The following SLC13A2 variants were observed in gnomAD, a reference collection of about 807,000 sequenced individuals.
The protein encoded by SLC13A2 is Na(+)-coupled citrate transporter.
SLC13A2 carries 40 observed loss-of-function variants against 58.5 expected under a neutral mutation model. That is an observed-to-expected ratio of 0.68 (90% CI 0.53 to 0.89). The LOEUF is 0.89. Ranked by LOEUF, SLC13A2 falls within the 40% of genes least tolerant of loss-of-function variation. The pLI is 0.00. For synonymous variants in SLC13A2, 341 were observed against 331.6 expected, an observed-to-expected ratio of 1.03 and a Z score of -0.31; for missense variants, 694 against 772.6, an observed-to-expected ratio of 0.90 and a Z score of 1.21.
At chr17:28,485,985 C>G (rs916843108) in intron 1 of SLC13A2, among the ~76,000 whole-genome samples, 1 of 151,816 alleles carries the variant, frequency 6.6e-6, no homozygotes, top group Non-Finnish European at 1.5e-5. Context: ...AAAGCAAAAC[C>G]CTGTCTTTAA....
intron 1 of SLC13A2, among the ~76,000 whole-genome samples, chr17:28,475,295 G>C (rs527831678): frequency 6.6e-6 from 1 of 152,114 alleles, no homozygotes; most frequent in African/African-American, 2.4e-5. Flanking sequence ...TCTGTGCACC[G>C]TATCTGGCCC....
chr17:28,490,471 T>C lies in SLC13A2; in HGVS notation c.249T>C (p.Leu83=), dbSNP rs1555603012. ...CCTGCCAGGTTGCCGTCGAGTATCT[T>C]AAGGACTCCAACCTCCTGTTCTTCG... is the stretch of plus-strand genomic sequence containing the variant. ...VDASEVAVEY[L]KDSNLLFFGG... is the part of the protein sequence containing the mutation. The change falls in exon 3 of 12, where the codon CTT becomes CTC. Residue 83 remains leucine (L), a synonymous_variant. Transcript: ENST00000314669. 2 of 1,614,000 alleles carry C rather than the reference T, an allele frequency of 1.2e-6. No homozygotes were observed. Among genetic ancestry groups the C allele is most frequent in the Admixed American group, 1.7e-5 (1 of 60,016 alleles).
At chr17:28,477,905 A>C (rs1472518536) in intron 1 of SLC13A2, among the ~76,000 whole-genome samples, 2 of 151,880 alleles carry the variant, frequency 1.3e-5, no homozygotes, top group East Asian at 3.9e-4. Flanking sequence ...TAAAAATACA[A>C]AAATTAGCCA....
chr17:28,484,567 T>G (rs2068843318), intron 1 of SLC13A2, among the ~76,000 whole-genome samples: 1 of 152,134 alleles, frequency 6.6e-6, no homozygotes, highest in South Asian at 2.1e-4. Flanking sequence ...TGAGCTGTTT[T>G]GAGATGAGTG....
Position 28,489,347 on chromosome 17 carries a change from G to C in SLC13A2, c.231+5G>C. ...GGCATCGTGGATGCCTCTGAGGTGA[G>C]CCCCATCCATAGGAGAAAGCGTTCT... On this transcript the variant is annotated splice_donor_5th_base_variant and intron_variant, in intron 2 of 11. Coordinates refer to ENST00000314669, the MANE Select transcript of SLC13A2 (RefSeq NM_003984.4). 1 of 1,611,722 alleles carries C rather than the reference G, an allele frequency of 6.2e-7. No homozygotes were observed. Among genetic ancestry groups the C allele is most frequent in the Non-Finnish European group, 8.5e-7 (1 of 1,178,918 alleles).
chr17:28,483,869 A>T (rs2068830965), intron 1 of SLC13A2, among the ~76,000 whole-genome samples: 1 of 152,190 alleles, frequency 6.6e-6, no homozygotes, highest in African/African-American at 2.4e-5. Flanking sequence ...GGGACTCAGC[A>T]CTCAGCATGT....
At position 28,489,203 on chromosome 17, in the gene SLC13A2, C is replaced by T; in HGVS notation, c.103-11C>T. 1 of 1,612,676 alleles carries T rather than the reference C, an allele frequency of 6.2e-7. No individual in the cohort carries two copies. The highest frequency in any genetic ancestry group is 8.5e-7 in the Non-Finnish European group (1 of 1,179,756). On this transcript the variant is annotated splice_polypyrimidine_tract_variant and intron_variant, in intron 1 of 11. Transcript: ENST00000314669. ...CCTCTGACAGCTCTGCCGCTTCTCT[C>T]CCACCTGCAGGAGGCCTACTGCGCG... is the stretch of plus-strand genomic sequence containing the variant.
chr17:28,480,569 G>A lies in SLC13A2; in HGVS notation c.102+6755G>A, dbSNP rs536756992. ...TGTGGGTTCAAATCCATTCAGCAGC[G>A]TGTACTGCCGTGTGACCTGACCGAG... On this transcript the variant is annotated intron_variant, in intron 1 of 11. Coordinates refer to ENST00000314669, the MANE Select transcript of SLC13A2 (RefSeq NM_003984.4). 1.5e-3 allele frequency among the ~76,000 whole-genome samples: 230 copies of A among 152,202 alleles called. 1 individual carries two copies. Among genetic ancestry groups the A allele is most frequent in the Non-Finnish European group, 2.7e-3 (183 of 68,016 alleles).
At position 28,480,718 on chromosome 17, in the gene SLC13A2, A is replaced by G. The variant is rs572476435; in HGVS notation, c.102+6904A>G. Among the ~76,000 whole-genome samples, 378 of 152,196 alleles carry G rather than the reference A, an allele frequency of 2.5e-3. 2 individuals carry two copies. Among genetic ancestry groups the G allele is most frequent in the African/African-American group, 8.7e-3 (363 of 41,536 alleles). On this transcript the variant is annotated intron_variant, in intron 1 of 11. Coordinates refer to ENST00000314669, the MANE Select transcript of SLC13A2 (RefSeq NM_003984.4). Reference sequence around the variant, plus strand: ...TTGCTCCCTTCGCCCTCTGCCTCTTATCTGAATTCCTGGGCCCCTGGAAAA... The same window carrying G: ...TTGCTCCCTTCGCCCTCTGCCTCTTGTCTGAATTCCTGGGCCCCTGGAAAA...
intron 4 of SLC13A2, 55 bp from the exon 5 acceptor site, chr17:28,491,382 G>A (rs1258359063): frequency 3.5e-5 from 55 of 1,591,788 alleles, no homozygotes; most frequent in East Asian, 6.7e-5. Flanking sequence ...CCCTGGCCCC[G>A]TTCCCCAGAG....
At chr17:28,491,408 C>A (rs1555603357) in intron 4 of SLC13A2, 29 bp from the exon 5 acceptor site, 2 of 1,610,656 alleles carry the variant, frequency 1.2e-6, no homozygotes, top group South Asian at 2.2e-5. Context: ...CCTGTACCTG[C>A]CCCCACCTGG....
At chr17:28,489,661 A>C (rs1179576914) in intron 2 of SLC13A2, among the ~76,000 whole-genome samples, 1 of 152,200 alleles carries the variant, frequency 6.6e-6, no homozygotes, top group East Asian at 1.9e-4. Flanking sequence ...TGGCTCTTGA[A>C]CTTGAACAGC....
chr17:28,489,472 C>A, intron 2 of SLC13A2, 130 bp downstream of exon 2: 3 of 1,063,344 alleles, frequency 2.8e-6, no homozygotes, highest in Non-Finnish European at 3.8e-6. Flanking sequence ...CCTGACTCTG[C>A]ATGAGGAAGA....
rs781890380 is a variant in SLC13A2 at position 28,497,276 on chromosome 17, G to A, written c.*7G>A. Reference sequence around the variant, plus strand: ...CACCACACCAAGCCCCTAGGCTGGGGCACAGCCTGGCCATGCCCAGGAAGA... The same window carrying A: ...CACCACACCAAGCCCCTAGGCTGGGACACAGCCTGGCCATGCCCAGGAAGA... On this transcript the variant is annotated 3_prime_UTR_variant, in exon 12 of 12. Transcript: ENST00000314669. The A allele has an allele frequency of 2.5e-6, 4 of 1,609,840 alleles. No homozygotes were observed. The highest frequency in any genetic ancestry group is 2.7e-5 in the African/African-American group (2 of 74,836).
intron 1 of SLC13A2, among the ~76,000 whole-genome samples, chr17:28,481,688 G>A (rs782386929): frequency 6.6e-6 from 1 of 152,206 alleles, no homozygotes; most frequent in Non-Finnish European, 1.5e-5. Flanking sequence ...CTTCTCGGCT[G>A]GTTATTACAG....
Position 28,491,438 on chromosome 17 carries a change from T to A in SLC13A2, c.576T>A (p.Asp192Glu). ...ACCTGGGCTCTCCCTTGTTCCCAGA[T>A]AATGGGCAGGCCCTCCCTGTCACGT... ...PSPQKEVTKL[D>E]NGQALPVTSA... Residue 192 changes from aspartate (D) to glutamate (E), a missense_variant and splice_region_variant, in exon 5 of 12, where the codon GAT becomes GAA. Coordinates refer to ENST00000314669, the MANE Select transcript of SLC13A2 (RefSeq NM_003984.4). 1.2e-6 allele frequency: 2 copies of A among 1,613,452 alleles called. No homozygotes were observed. Among genetic ancestry groups the A allele is most frequent in the African/African-American group, 1.3e-5 (1 of 75,058 alleles).
chr17:28,489,852 G>T (rs188130951), intron 2 of SLC13A2, among the ~76,000 whole-genome samples: 3 of 152,338 alleles, frequency 2.0e-5, no homozygotes, highest in Non-Finnish European at 4.4e-5. Context: ...CCGCACTAAA[G>T]TATCTATCTC....
At chr17:28,490,322 T>C (rs782805313) in intron 2 of SLC13A2, 132 bp from the exon 3 acceptor site, 29 of 1,606,636 alleles carry the variant, frequency 1.8e-5, no homozygotes, top group Non-Finnish European at 2.5e-5. Flanking sequence ...TCAGAGACCA[T>C]TTCCATCCAG....
In SLC13A2 at chr17:28,497,465, C is replaced by T. The variant is rs1434012422; in HGVS notation, c.*196C>T. ...TATGTGCTGGAATAAAAGGTGTGTG[C>T]ATGTGTGTGTGCGCATATGTGTGCG... On this transcript the variant is annotated 3_prime_UTR_variant, in exon 12 of 12. Coordinates refer to ENST00000314669, the MANE Select transcript of SLC13A2 (RefSeq NM_003984.4). 7.9e-6 allele frequency: 5 copies of T among 630,434 alleles called. No homozygotes were observed. Among genetic ancestry groups the T allele is most frequent in the Non-Finnish European group, 1.4e-5 (5 of 368,420 alleles). 39.1% of individuals were successfully genotyped at this position (630,434 alleles called of 1,614,324 possible).
Sources: gnomAD v4.1 joint callset for allele counts (sites outside exome capture counted in the v4.1 genomes callset) on GRCh38, gnomAD v4.1.1 for gene constraint, MANE v1.5 for transcripts, NCBI Gene and HGNC (gene_info 2026-07-23, HGNC 2026-07-21) for gene names.